The following SYT14 variants were observed in gnomAD, a reference collection of about 807,000 sequenced individuals.
The protein encoded by SYT14 is synaptotagmin-14.
SYT14 carries 32 observed loss-of-function variants against 74.2 expected under a neutral mutation model. The observed-to-expected ratio is 0.43, with a 90% confidence interval of 0.33 to 0.58. SYT14 has a LOEUF of 0.58. Ranked by LOEUF, SYT14 falls within the 20% of genes least tolerant of loss-of-function variation. The pLI is 0.05. For synonymous variants in SYT14, 298 were observed against 337.7 expected (o/e 0.88, Z 1.29); for missense variants, 791 against 981.8 (o/e 0.81, Z 2.60).
chr1:210,123,609 T>C (rs1324723395), intron 7 of SYT14, among the ~76,000 whole-genome samples: 4 of 152,192 alleles, frequency 2.6e-5, no homozygotes, highest in Non-Finnish European at 5.9e-5. Context: ...CAAGCAAAGA[T>C]TGCCCCATAC....
chr1:210,044,744 A>G (rs2080854234), intron 5 of SYT14, among the ~76,000 whole-genome samples: 1 of 152,232 alleles, frequency 6.6e-6, no homozygotes, highest in African/African-American at 2.4e-5. Context: ...TTTATAAAGA[A>G]AAGAAGTTCA....
chr1:210,003,859 C>T (rs569506953), intron 2 of SYT14, among the ~76,000 whole-genome samples: 3 of 152,238 alleles, frequency 2.0e-5, no homozygotes, highest in Admixed American at 6.5e-5. Context: ...TTTTTTCCCA[C>T]ATAAATTTAA....
chr1:210,000,535 T>G (rs2079877960), intron 2 of SYT14, among the ~76,000 whole-genome samples: 1 of 151,322 alleles, frequency 6.6e-6, no homozygotes, highest in Non-Finnish European at 1.5e-5. Flanking sequence ...TTCTGTTGCT[T>G]TTATCGAATT....
At chr1:210,148,369 C>T (rs1485798814) in intron 7 of SYT14, among the ~76,000 whole-genome samples, 2 of 151,862 alleles carry the variant, frequency 1.3e-5, no homozygotes, top group African/African-American at 2.4e-5. Flanking sequence ...ATTAGCCGGG[C>T]GTGGTGGCGG....
chr1:209,940,711 C>T (rs1407018331), intron 1 of SYT14, among the ~76,000 whole-genome samples: 1 of 152,162 alleles, frequency 6.6e-6, no homozygotes, highest in African/African-American at 2.4e-5. Context: ...CCACTATTCT[C>T]TCTATATATG....
At chr1:210,038,288 A>G (rs2080712673) in intron 5 of SYT14, among the ~76,000 whole-genome samples, 3 of 151,966 alleles carry the variant, frequency 2.0e-5, no homozygotes, top group African/African-American at 4.8e-5. Context: ...CCACTTCTTC[A>G]CCTTCAGCCT....
At chr1:210,046,945 G>A (rs745707518) in intron 5 of SYT14, among the ~76,000 whole-genome samples, 1 of 152,006 alleles carries the variant, frequency 6.6e-6, no homozygotes, top group South Asian at 2.1e-4. Context: ...CTATAAAAGA[G>A]GAAACTGTAA....
intron 5 of SYT14, among the ~76,000 whole-genome samples, chr1:210,066,790 G>A (rs568159658): frequency 6.6e-6 from 1 of 152,000 alleles, no homozygotes; most frequent in South Asian, 2.1e-4. Context: ...GCGTGAGAAC[G>A]GACTAATACA....
chr1:210,126,427 C>G (rs1407387114), intron 7 of SYT14, among the ~76,000 whole-genome samples: 1 of 151,464 alleles, frequency 6.6e-6, no homozygotes, highest in Non-Finnish European at 1.5e-5. Flanking sequence ...GATTTAAATT[C>G]ATCTGTCTCC....
At chr1:210,158,422 G>A (rs1223878134) in intron 8 of SYT14, among the ~76,000 whole-genome samples, 2 of 152,158 alleles carry the variant, frequency 1.3e-5, no homozygotes, top group Admixed American at 6.5e-5. Context: ...CCAGTTATCA[G>A]TTTGCCACTC....
At chr1:210,153,982 A>G (rs988349295) in intron 7 of SYT14, among the ~76,000 whole-genome samples, 2 of 152,086 alleles carry the variant, frequency 1.3e-5, no homozygotes, top group Non-Finnish European at 2.9e-5. Flanking sequence ...TTTGGTTTTA[A>G]TATTTTGCTA....
exon 1 of SYT14, chr1:209,938,276 A>G: frequency 6.4e-7 from 1 of 1,559,554 alleles, no homozygotes; most frequent in East Asian, 2.5e-5. Context: ...TGGCGATTGA[A>G]GGTAAGTGGA....
At chr1:209,987,918 A>G (rs2079599185) in intron 2 of SYT14, among the ~76,000 whole-genome samples, 2 of 152,148 alleles carry the variant, frequency 1.3e-5, no homozygotes, top group African/African-American at 4.8e-5. Flanking sequence ...ATCCATTTGA[A>G]TATAATGTTC....
At chr1:210,145,468 A>G (rs867916390) in intron 7 of SYT14, among the ~76,000 whole-genome samples, 2 of 152,310 alleles carry the variant, frequency 1.3e-5, no homozygotes, top group African/African-American at 4.8e-5. Flanking sequence ...ATTCAGCAAT[A>G]TTTATTAAGT....
intron 5 of SYT14, among the ~76,000 whole-genome samples, chr1:210,024,306 G>A (rs183179238): frequency 3.0e-4 from 45 of 152,300 alleles, no homozygotes; most frequent in Non-Finnish European, 3.8e-4. Flanking sequence ...CTTTGGGGTA[G>A]TATATGTGGA....
intron 5 of SYT14, among the ~76,000 whole-genome samples, chr1:210,032,666 A>C (rs2080566679): frequency 6.6e-6 from 1 of 151,144 alleles, no homozygotes; most frequent in South Asian, 2.1e-4. Flanking sequence ...AAAAAAAAAA[A>C]CCCATCATTG....
chr1:209,966,136 C>T (rs979651851), intron 2 of SYT14: 3 of 336,046 alleles, frequency 8.9e-6, no homozygotes, highest in East Asian at 7.7e-5. Flanking sequence ...TCGCAAAGTG[C>T]TGAGGTTACA....
At chr1:210,015,116 T>TG (rs1231885637) in intron 3 of SYT14, among the ~76,000 whole-genome samples, 3 of 151,938 alleles carry the variant, frequency 2.0e-5, no homozygotes, top group Non-Finnish European at 2.9e-5. Context: ...AAAAAGAAAA[T>TG]GGGGAAAAAG....
intron 2 of SYT14, among the ~76,000 whole-genome samples, chr1:209,990,512 A>T (rs1429265395): frequency 7.7e-5 from 1 of 12,932 alleles, no homozygotes; most frequent in African/African-American, 1.1e-4. Context: ...TTAAGGATGA[A>T]GGAATATTTC....
Sources: gnomAD v4.1 joint callset for allele counts (sites outside exome capture counted in the v4.1 genomes callset) on GRCh38, gnomAD v4.1.1 for gene constraint, MANE v1.5 for transcripts, NCBI Gene and HGNC (gene_info 2026-07-23, HGNC 2026-07-21) for gene names.